The following CSMD1 variants were observed in gnomAD, a reference collection of about 807,000 sequenced individuals.
The protein encoded by CSMD1 is CUB and sushi domain-containing protein 1.
In CSMD1, 213 loss-of-function variants were observed where a neutral mutation model predicts 417.5. The ratio of observed to expected loss-of-function variants is 0.51; its 90% CI spans 0.46 to 0.57. CSMD1 has a LOEUF of 0.57. CSMD1 is among the 20% of genes least tolerant of loss of function. The probability of loss-of-function intolerance (pLI) is 0.00; values close to 1 mark genes in which losing one functional copy is unlikely to be tolerated. For synonymous variants in CSMD1, 2,862 were observed against 1,736.8 expected, an observed-to-expected ratio of 1.65 and a Z score of -16.11; for missense variants, 6,923 against 4,529.7, an observed-to-expected ratio of 1.53 and a Z score of -15.17.
Position 4,296,142 on chromosome 8 carries a change from T to C in CSMD1, c.415+123811A>G, listed in dbSNP as rs1283013623. Among the ~76,000 whole-genome samples, 3 of 152,024 alleles carry C rather than the reference T, an allele frequency of 2.0e-5. No homozygotes were observed. In the East Asian group the frequency reaches 5.8e-4, roughly 30 times the overall value. Reference sequence around the variant, plus strand: ...TCAAAACCACAATAAGAAGCGAAAATGGAAGGTGTGGTCAAACTATGCTCA... The same window carrying C: ...TCAAAACCACAATAAGAAGCGAAAACGGAAGGTGTGGTCAAACTATGCTCA... On this transcript the variant is annotated intron_variant, in intron 3 of 69. Transcript: ENST00000635120.
At chr8:3,760,902 T>G (rs1023875437) in intron 5 of CSMD1, among the ~76,000 whole-genome samples, 1 of 152,056 alleles carries the variant, frequency 6.6e-6, no homozygotes, top group African/African-American at 2.4e-5. Context: ...ACCTATTACT[T>G]GGAGGAGACC....
At chr8:4,074,735 G>C (rs1331876804) in intron 3 of CSMD1, among the ~76,000 whole-genome samples, 1 of 151,646 alleles carries the variant, frequency 6.6e-6, no homozygotes, top group Non-Finnish European at 1.5e-5. Flanking sequence ...CATTGATTTA[G>C]GAAAAAGAAA....
At chr8:2,969,328 C>G (rs1317646258) in intron 57 of CSMD1, among the ~76,000 whole-genome samples, 2 of 152,046 alleles carry the variant, frequency 1.3e-5, no homozygotes, top group African/African-American at 4.8e-5. Context: ...TAAGAGTTCC[C>G]TAATACAGCT....
At chr8:4,262,119 A>G (rs892857063) in intron 3 of CSMD1, among the ~76,000 whole-genome samples, 5 of 152,128 alleles carry the variant, frequency 3.3e-5, no homozygotes, top group African/African-American at 1.2e-4. Flanking sequence ...TCTTTCCTAT[A>G]GAGAATTGTT....
At chr8:3,704,070 C>CAAAAA (rs1801025594) in intron 7 of CSMD1, among the ~76,000 whole-genome samples, 1 of 151,948 alleles carries the variant, frequency 6.6e-6, no homozygotes, top group Non-Finnish European at 1.5e-5. Context: ...AACTCCATCT[C>CAAAAA]AAAAAACAAA....
Position 4,145,440 on chromosome 8 carries a change from G to C in CSMD1, c.416-113341C>G, listed in dbSNP as rs961921514. On this transcript the variant is annotated intron_variant, in intron 3 of 69. Transcript: ENST00000635120. ...TCTGGGAAAAGTGACTTAATCTACA[G>C]GTTACTATATATTTTTTGTATTGAA... 3.9e-4 allele frequency among the ~76,000 whole-genome samples: 59 copies of C among 151,204 alleles called. 3 individuals carry two copies. Among genetic ancestry groups the C allele is most frequent in the Middle Eastern group, 3.4e-3 (1 of 294 alleles).
Position 2,963,344 on chromosome 8 carries a change from C to T in CSMD1, c.9332G>A (p.Ser3111Asn). The T allele has an allele frequency of 6.2e-7, 1 of 1,613,960 alleles. No homozygotes were observed. The highest frequency in any genetic ancestry group is 2.2e-5 in the East Asian group (1 of 44,864). ...PPVQNGTVEG[S>N]DFRWGSSISY... ...TATGCTGGAGCCCCAGCGGAAATCACTTCCCTCCACTGTTCCATTCTGCAC... is the reference window on the plus strand; with the variant it reads ...TATGCTGGAGCCCCAGCGGAAATCATTTCCCTCCACTGTTCCATTCTGCAC... Residue 3111 changes from serine (S) to asparagine (N), a missense_variant, in exon 60 of 70, where the codon AGT (serine) becomes AAT (asparagine). Transcript: ENST00000635120.
chr8:3,708,838 T>A (rs187232352), intron 6 of CSMD1, among the ~76,000 whole-genome samples: 26 of 152,348 alleles, frequency 1.7e-4, no homozygotes, highest in Admixed American at 1.3e-3. Context: ...TCACTTCATG[T>A]ATCTATCCTG....
rs149322145 is a variant in CSMD1, at chr8:4,164,419, G to C, written c.416-132320C>G. Among the ~76,000 whole-genome samples the C allele has an allele frequency of 4.6e-4, 70 of 152,164 alleles. No homozygotes were observed. The South Asian group carries it at 7.1e-3, about 15-fold the overall frequency. On this transcript the variant is annotated intron_variant, in intron 3 of 69. Coordinates refer to ENST00000635120, the MANE Select transcript of CSMD1 (RefSeq NM_033225.6). Reference sequence around the variant, plus strand: ...TCAGGTAAGTGATGCTAATATCCTTGAGGGTTGCAGGTGACCTCTGAAACA... The same window carrying C: ...TCAGGTAAGTGATGCTAATATCCTTCAGGGTTGCAGGTGACCTCTGAAACA...
chr8:4,028,675 C>G lies in CSMD1; in HGVS notation c.610+3230G>C, dbSNP rs979974205. 3.9e-5 allele frequency among the ~76,000 whole-genome samples: 6 copies of G among 152,134 alleles called. No individual in the cohort carries two copies. In the East Asian group the frequency reaches 7.7e-4, roughly 20 times the overall value. On this transcript the variant is annotated intron_variant, in intron 4 of 69. Transcript: ENST00000635120. ...GTGTTTGGGTCATAACATTTACTAT[C>G]TCTGGAACCTTTTGCAAATTAAAAC...
At chr8:4,965,312 G>T (rs1380891806) in intron 1 of CSMD1, among the ~76,000 whole-genome samples, 1 of 152,202 alleles carries the variant, frequency 6.6e-6, no homozygotes, top group African/African-American at 2.4e-5. Flanking sequence ...AGTTGCAAAT[G>T]CTTTACATGT....
intron 3 of CSMD1, among the ~76,000 whole-genome samples, chr8:4,341,155 A>T (rs1254550855): frequency 6.6e-6 from 1 of 152,100 alleles, no homozygotes; most frequent in Non-Finnish European, 1.5e-5. Flanking sequence ...AGCATTTTGA[A>T]TTAGTAGGCG....
chr8:3,477,515 G>C (rs1025113965), intron 11 of CSMD1, among the ~76,000 whole-genome samples: 2 of 152,158 alleles, frequency 1.3e-5, no homozygotes, highest in Admixed American at 1.3e-4. Flanking sequence ...GTAAAGACAA[G>C]GTACTATCTT....
At chr8:3,292,014 C>G (rs1803613711) in intron 25 of CSMD1, among the ~76,000 whole-genome samples, 1 of 151,936 alleles carries the variant, frequency 6.6e-6, no homozygotes, top group Admixed American at 6.6e-5. Context: ...CCCAGAGATT[C>G]TGGTATGTTG....
intron 7 of CSMD1, among the ~76,000 whole-genome samples, chr8:3,701,021 G>C (rs4503122): frequency 0.011 from 1,614 of 151,940 alleles, 28 homozygotes; most frequent in African/African-American, 0.031. Flanking sequence ...GAAAGGCTTG[G>C]GATATGTCGG....
chr8:3,217,238 T>A (rs1484345655), intron 29 of CSMD1, among the ~76,000 whole-genome samples: 1 of 152,262 alleles, frequency 6.6e-6, no homozygotes, highest in African/African-American at 2.4e-5. Context: ...AATGGCATCA[T>A]TCCTATTCTC....
chr8:3,701,135 G>C lies in CSMD1; in HGVS notation c.1009+7279C>G, dbSNP rs576718416. Among the ~76,000 whole-genome samples the C allele has an allele frequency of 5.1e-4, 78 of 152,042 alleles. 1 individual carries two copies. The highest frequency in any genetic ancestry group is 6.6e-4 in the Non-Finnish European group (45 of 68,020). ...CTTCTTCTGTGAGAGGTAAGAGGGA[G>C]AGAGATGCCTGTTAGACATCAACGT... On this transcript the variant is annotated intron_variant, in intron 7 of 69. Transcript: ENST00000635120.
chr8:3,556,285 C>T (rs11136635), intron 10 of CSMD1, among the ~76,000 whole-genome samples: 106,616 of 150,132 alleles, frequency 0.71, 38,458 homozygotes, highest in African/African-American at 0.83. Context: ...CCCTACAACC[C>T]CCACTACCCT....
intron 8 of CSMD1, among the ~76,000 whole-genome samples, chr8:3,612,931 A>G (rs1345796095): frequency 6.6e-6 from 1 of 152,082 alleles, no homozygotes; most frequent in Admixed American, 6.6e-5. Flanking sequence ...AAGAGGTCAG[A>G]GCAGAAATCA....
Sources: gnomAD v4.1 joint callset for allele counts (sites outside exome capture counted in the v4.1 genomes callset) on GRCh38, gnomAD v4.1.1 for gene constraint, MANE v1.5 for transcripts, NCBI Gene and HGNC (gene_info 2026-07-23, HGNC 2026-07-21) for gene names.